Variants in ANK2 observed in about 807,000 individuals in gnomAD.
ANK2 encodes ankyrin-2.
ANK2 carries 83 observed loss-of-function variants against 360.5 expected under a neutral mutation model. That is an observed-to-expected ratio of 0.23 (90% CI 0.19 to 0.28). The LOEUF (loss-of-function observed/expected upper bound fraction) is 0.28, where lower values mean the gene tolerates loss of function less well. Among genes scored for constraint, ANK2 ranks in the 10% least tolerant of loss-of-function variants. The pLI is 1.00. For synonymous variants in ANK2, 1,740 were observed against 1,759.5 expected (o/e 0.99, Z 0.28); for missense variants, 4,201 against 4,795.7 (o/e 0.88, Z 3.66).
chr4:113,116,365 A>C (rs2094777790), intron 1 of ANK2, among the ~76,000 whole-genome samples: 1 of 151,966 alleles, frequency 6.6e-6, no homozygotes, highest in South Asian at 2.1e-4. Context: ...TCTTTCTCCC[A>C]GGAAAACCTC....
the ANK2 span, among the ~76,000 whole-genome samples, chr4:112,733,292 C>G: frequency 6.6e-6 from 1 of 152,196 alleles, no homozygotes; most frequent in East Asian, 1.9e-4. Flanking sequence ...GATTCCTCCT[C>G]TAAGTATAAA....
intron 1 of ANK2, among the ~76,000 whole-genome samples, chr4:113,057,331 T>C (rs1344082829): frequency 2.6e-5 from 4 of 152,102 alleles, no homozygotes; most frequent in Admixed American, 2.6e-4. Flanking sequence ...TATGAGTGGG[T>C]GAACAGTAGT....
the ANK2 span, among the ~76,000 whole-genome samples, chr4:112,749,460 G>C: frequency 6.6e-6 from 1 of 152,104 alleles, no homozygotes; most frequent in African/African-American, 2.4e-5. Context: ...ACCCAACTTT[G>C]GAATTTTGGG....
At chr4:113,043,708 G>T (rs960388729) in intron 2 of ANK2, among the ~76,000 whole-genome samples, 2 of 152,154 alleles carry the variant, frequency 1.3e-5, no homozygotes, top group Non-Finnish European at 2.9e-5. Context: ...TGTCAAAAAA[G>T]TCATGTGTTT....
the ANK2 span, among the ~76,000 whole-genome samples, chr4:112,759,133 T>C: frequency 6.6e-6 from 1 of 152,096 alleles, no homozygotes. Flanking sequence ...GAGCAGTCTT[T>C]ACAAGATAGC....
At chr4:112,997,385 C>T (rs1288279237) in intron 2 of ANK2, among the ~76,000 whole-genome samples, 3 of 152,042 alleles carry the variant, frequency 2.0e-5, no homozygotes, top group Admixed American at 6.6e-5. Flanking sequence ...TCTGTGATCC[C>T]TCTTATTTAT....
intron 1 of ANK2, among the ~76,000 whole-genome samples, chr4:112,852,497 A>C (rs2065250401): frequency 6.6e-6 from 1 of 152,252 alleles, no homozygotes; most frequent in Non-Finnish European, 1.5e-5. Flanking sequence ...TTTCTAGTAT[A>C]GGCTAAACAC....
At chr4:113,295,249 C>T (rs911225052) in intron 22 of ANK2, among the ~76,000 whole-genome samples, 8 of 152,158 alleles carry the variant, frequency 5.3e-5, no homozygotes, top group Non-Finnish European at 8.8e-5. Flanking sequence ...TACTCCTCCC[C>T]ACCAGCAACT....
intron 4 of ANK2, chr4:113,214,122 G>C (rs2153461747): frequency 1.3e-6 from 1 of 757,534 alleles, no homozygotes; most frequent in Middle Eastern, 3.5e-4. Context: ...GTCCTTGCGG[G>C]CTTCACGAGA....
intron 1 of ANK2, among the ~76,000 whole-genome samples, chr4:113,147,892 A>G (rs998340567): frequency 6.6e-6 from 1 of 152,232 alleles, no homozygotes; most frequent in Non-Finnish European, 1.5e-5. Flanking sequence ...GCTGTTTTTA[A>G]ATTTTTATTT....
chr4:112,709,011 C>T, the ANK2 span, among the ~76,000 whole-genome samples: 1 of 152,138 alleles, frequency 6.6e-6, no homozygotes, highest in Non-Finnish European at 1.5e-5. Flanking sequence ...ACACAGTGTA[C>T]TTAAAATCTA....
chr4:113,045,804 A>G (rs1244247139), upstream of ANK2, among the ~76,000 whole-genome samples: 3 of 152,228 alleles, frequency 2.0e-5, no homozygotes, highest in African/African-American at 4.8e-5. Flanking sequence ...AATTATATAT[A>G]GCTCTTAGAT....
At chr4:113,361,107 G>T (rs1192573280) in intron 39 of ANK2, among the ~76,000 whole-genome samples, 1 of 152,154 alleles carries the variant, frequency 6.6e-6, no homozygotes, top group Admixed American at 6.6e-5. Flanking sequence ...TAGAATAATA[G>T]AACTTTCTAT....
the ANK2 span, among the ~76,000 whole-genome samples, chr4:112,778,062 T>C: frequency 1.3e-5 from 2 of 151,996 alleles, no homozygotes; most frequent in Non-Finnish European, 1.5e-5. Flanking sequence ...CTCTGCCTCC[T>C]GGGTTCAAGC....
chr4:113,277,215 A>C (rs2060550892), intron 15 of ANK2, among the ~76,000 whole-genome samples: 1 of 152,212 alleles, frequency 6.6e-6, no homozygotes. Context: ...AGTAGAACGT[A>C]TTTTACAAAA....
Position 112,993,770 on chromosome 4 carries a change from G to T in ANK2, c.21+89256G>T, listed in dbSNP as rs898332208. On this transcript the variant is annotated intron_variant, in intron 2 of 30. Coordinates refer to the ANK2 transcript ENST00000503271. ...CACCCAGGCTGGAGTGCAGAGGCAC[G>T]ATCTTGGCTCACTGCAACCTCCGTC... Among the ~76,000 whole-genome samples, 3 of 151,494 alleles carry T rather than the reference G, an allele frequency of 2.0e-5. No individual in the cohort carries two copies. The South Asian group carries it at 6.3e-4, about 32-fold the overall frequency.
chr4:113,133,252 A>G (rs2154379347), intron 1 of ANK2, among the ~76,000 whole-genome samples: 1 of 152,292 alleles, frequency 6.6e-6, no homozygotes, highest in South Asian at 2.1e-4. Context: ...TCTGAAATTA[A>G]AGGTGAATGG....
At chr4:112,707,193 G>A in the ANK2 span, among the ~76,000 whole-genome samples, 1 of 152,144 alleles carries the variant, frequency 6.6e-6, no homozygotes, top group African/African-American at 2.4e-5. Flanking sequence ...CCAACAGAAT[G>A]GTCTTTCTCC....
intron 2 of ANK2, among the ~76,000 whole-genome samples, chr4:112,942,076 C>G (rs1253186888): frequency 4.0e-5 from 6 of 151,702 alleles, no homozygotes. Context: ...TCCTAATTTT[C>G]TATAATCAAC....
Sources: allele counts gnomAD v4.1 joint callset (sites outside exome capture counted in the v4.1 genomes callset), GRCh38; gene constraint gnomAD v4.1.1; transcripts MANE v1.5; gene names NCBI Gene and HGNC (gene_info 2026-07-23, HGNC 2026-07-21).